Variants in GPC5 observed in about 807,000 individuals in gnomAD.
GPC5 encodes the protein glypican 5.
GPC5 carries 47 observed loss-of-function variants against 53.9 expected under a neutral mutation model. The observed-to-expected ratio is 0.87, with a 90% CI of 0.69 to 1.11. The LOEUF is 1.11. Ranked by LOEUF, GPC5 falls within the 50% of genes most tolerant of loss-of-function variation. The pLI, the probability that GPC5 is intolerant of heterozygous loss-of-function variation, is 0.00. For synonymous variants in GPC5, 286 were observed against 263.3 expected (o/e 1.09, Z -0.84); for missense variants, 748 against 713.1 (o/e 1.05, Z -0.56).
chr13:91,871,764 C>T (rs1250672528), intron 5 of GPC5, among the ~76,000 whole-genome samples: 2 of 151,302 alleles, frequency 1.3e-5, no homozygotes, highest in African/African-American at 2.4e-5. Context: ...GAAATAACTT[C>T]GTTTTCCTTT....
chr13:92,525,850 C>A (rs957042972), intron 7 of GPC5, among the ~76,000 whole-genome samples: 5 of 152,058 alleles, frequency 3.3e-5, no homozygotes, highest in African/African-American at 9.7e-5. Flanking sequence ...TCCTCTGTAT[C>A]TAATCAAAAG....
intron 7 of GPC5, among the ~76,000 whole-genome samples, chr13:92,298,598 C>G (rs71427550): frequency 0.011 from 1,623 of 152,302 alleles, 27 homozygotes; most frequent in Middle Eastern, 0.048. Flanking sequence ...CTTCAGTTTT[C>G]CCCCTGGGGG....
chr13:92,108,990 A>G (rs1164257083), intron 6 of GPC5, among the ~76,000 whole-genome samples: 1 of 151,094 alleles, frequency 6.6e-6, no homozygotes, highest in Non-Finnish European at 1.5e-5. Flanking sequence ...TCATAATCAC[A>G]GCTCTCAAAT....
intron 7 of GPC5, chr13:92,719,962 G>T (rs1304179455): frequency 6.6e-6 from 1 of 152,130 alleles, no homozygotes; most frequent in Admixed American, 6.6e-5. Context: ...ACCACAGGAA[G>T]ACACTGAAAC....
intron 7 of GPC5, among the ~76,000 whole-genome samples, chr13:92,671,569 T>C (rs2139206205): frequency 6.6e-6 from 1 of 152,302 alleles, no homozygotes; most frequent in Middle Eastern, 3.4e-3. Flanking sequence ...TTACCACATG[T>C]TAGAAGGCTC....
chr13:92,251,837 T>G (rs1213992858), intron 7 of GPC5, among the ~76,000 whole-genome samples: 2 of 152,152 alleles, frequency 1.3e-5, no homozygotes, highest in East Asian at 3.8e-4. Context: ...GCTGTATTTA[T>G]TCTGGCTCAT....
chr13:92,491,466 C>G (rs1258984612), intron 7 of GPC5, among the ~76,000 whole-genome samples: 1 of 152,008 alleles, frequency 6.6e-6, no homozygotes, highest in African/African-American at 2.4e-5. Context: ...TGTTTTGATG[C>G]TATAGAAACA....
chr13:91,689,192 T>G (rs866312402), intron 2 of GPC5, among the ~76,000 whole-genome samples: 1 of 88,600 alleles, frequency 1.1e-5, no homozygotes, highest in East Asian at 3.8e-4. Context: ...TAAATATATA[T>G]ATATATATAT....
intron 7 of GPC5, among the ~76,000 whole-genome samples, chr13:92,762,398 A>G (rs1875220729): frequency 6.6e-6 from 1 of 152,178 alleles, no homozygotes; most frequent in South Asian, 2.1e-4. Flanking sequence ...GTAGAAAACT[A>G]TAACATACAT....
intron 5 of GPC5, among the ~76,000 whole-genome samples, chr13:91,879,611 A>C (rs1391211027): frequency 2.0e-5 from 3 of 152,138 alleles, no homozygotes; most frequent in African/African-American, 7.2e-5. Flanking sequence ...TAAGGTTGCT[A>C]ATCCCATTAA....
chr13:91,553,288 C>CATTTCTT, intron 2 of GPC5, among the ~76,000 whole-genome samples: 4 of 97,678 alleles, frequency 4.1e-5, no homozygotes, highest in African/African-American at 1.9e-4. Flanking sequence ...TCTCATTTCT[C>CATTTCTT]AGAAGAGAAT....
Position 91,399,066 on chromosome 13 carries a change from C to T in GPC5, c.20C>T (p.Pro7Leu). The change falls in exon 1 of 8, where the codon CCC becomes CTC. Residue 7 changes from proline (P) to leucine (L), a missense_variant. Transcript: ENST00000377067. Reference protein sequence around the residue: MDAQTWPVGFRCLLLLA... With the variant: MDAQTWLVGFRCLLLLA... Reference sequence around the variant, plus strand: ...GCGAGGATGGACGCACAGACCTGGCCCGTGGGCTTTCGCTGCCTCCTCCTT... The same window carrying T: ...GCGAGGATGGACGCACAGACCTGGCTCGTGGGCTTTCGCTGCCTCCTCCTT... The T allele has an allele frequency of 6.4e-7, 1 of 1,566,834 alleles. No individual in the cohort carries two copies. Among genetic ancestry groups the T allele is most frequent in the South Asian group, 1.2e-5 (1 of 85,202 alleles).
At chr13:92,217,437 A>G (rs943671138) in intron 7 of GPC5, among the ~76,000 whole-genome samples, 2 of 152,084 alleles carry the variant, frequency 1.3e-5, no homozygotes, top group African/African-American at 4.8e-5. Context: ...GTGACAGCTG[A>G]TCACCCTGGC....
chr13:92,107,506 A>C lies in GPC5; in HGVS notation c.1402-37324A>C, dbSNP rs551450358. 2.6e-5 allele frequency among the ~76,000 whole-genome samples: 4 copies of C among 152,244 alleles called. No homozygotes were observed. In the South Asian group the frequency reaches 8.3e-4, roughly 32 times the overall value. ...GAATAATGTAAGGCCACTTTTTAAA[A>C]AACTGTGCATATTACTCTGAGAAAT... On this transcript the variant is annotated intron_variant, in intron 6 of 7. Coordinates refer to ENST00000377067, the MANE Select transcript of GPC5 (RefSeq NM_004466.6).
intron 7 of GPC5, among the ~76,000 whole-genome samples, chr13:92,465,468 G>T (rs180873483): frequency 6.6e-6 from 1 of 151,924 alleles, no homozygotes; most frequent in Non-Finnish European, 1.5e-5. Flanking sequence ...GACTTACAGC[G>T]TTTATAGGCT....
chr13:92,275,900 T>C (rs975738826), intron 7 of GPC5, among the ~76,000 whole-genome samples: 12 of 152,148 alleles, frequency 7.9e-5, no homozygotes, highest in African/African-American at 2.9e-4. Context: ...CAATTCTTTG[T>C]TGGGGGTAAT....
intron 7 of GPC5, among the ~76,000 whole-genome samples, chr13:92,441,492 G>A (rs898364652): frequency 1.3e-5 from 2 of 152,106 alleles, no homozygotes; most frequent in African/African-American, 2.4e-5. Context: ...TAAAATTTCA[G>A]GATACAAAAT....
chr13:91,603,800 A>C (rs1178481757), intron 2 of GPC5, among the ~76,000 whole-genome samples: 2 of 152,186 alleles, frequency 1.3e-5, no homozygotes, highest in Admixed American at 6.5e-5. Context: ...TATAGATATA[A>C]ATACATAGAT....
intron 2 of GPC5, among the ~76,000 whole-genome samples, chr13:91,638,798 C>T (rs1244718148): frequency 1.3e-5 from 2 of 152,028 alleles, no homozygotes; most frequent in South Asian, 2.1e-4. Context: ...AGAAAAAGCC[C>T]GTTAGCTAAC....
Sources: allele counts gnomAD v4.1 joint callset (sites outside exome capture counted in the v4.1 genomes callset), GRCh38; gene constraint gnomAD v4.1.1; transcripts MANE v1.5; gene names NCBI Gene and HGNC (gene_info 2026-07-23, HGNC 2026-07-21).